USP36: variants seen among roughly 807,000 people sequenced by gnomAD.
The protein encoded by USP36 is ubiquitin specific peptidase 36.
In USP36, 59 loss-of-function variants were observed where a neutral mutation model predicts 111.5. The ratio of observed to expected loss-of-function variants is 0.53; its 90% CI spans 0.43 to 0.66. The LOEUF is 0.66. Ranked by LOEUF, USP36 falls within the 30% of genes least tolerant of loss-of-function variation. USP36 has a pLI of 0.00. For missense variants in USP36, 1,488 were observed against 1,468.0 expected, an observed-to-expected ratio of 1.01 and a Z score of -0.22; for synonymous variants, 628 against 581.0, an observed-to-expected ratio of 1.08 and a Z score of -1.16.
At chr17:78,794,109 C>G (rs1236882735), downstream of USP36, among the ~76,000 whole-genome samples, 1 of 152,202 alleles carries the variant, frequency 6.6e-6, no homozygotes, top group Non-Finnish European at 1.5e-5. Context: ...GAGTCCATCT[C>G]CTAAATATCC....
chr17:78,817,070 T>A (rs2094206341), intron 10 of USP36, among the ~76,000 whole-genome samples: 1 of 152,216 alleles, frequency 6.6e-6, no homozygotes, highest in Non-Finnish European at 1.5e-5. Flanking sequence ...AATACTGCAT[T>A]TTCACTGTAC....
chr17:78,799,563 C>A, intron 18 of USP36, 104 bp downstream of exon 18: 1 of 1,034,338 alleles, frequency 9.7e-7, no homozygotes, highest in Non-Finnish European at 1.5e-6. Flanking sequence ...CCGAGCGATG[C>A]CCGCCCGCCA....
At chr17:78,830,716 G>A (rs1430167984) in intron 4 of USP36, among the ~76,000 whole-genome samples, 1 of 151,990 alleles carries the variant, frequency 6.6e-6, no homozygotes, top group Admixed American at 6.6e-5. Context: ...CATGCAGCCT[G>A]CTTAGCAAAT....
intron 10 of USP36, among the ~76,000 whole-genome samples, chr17:78,814,928 C>A (rs1010959214): frequency 6.6e-6 from 1 of 151,670 alleles, no homozygotes; most frequent in East Asian, 1.9e-4. Flanking sequence ...TCAGCCTGGG[C>A]GACAGAGCGA....
rs2093934519 is a variant in USP36, at chr17:78,807,353, G to C, written c.1691C>G (p.Ser564Cys). 3 of 1,614,108 alleles carry C rather than the reference G, an allele frequency of 1.9e-6. No individual in the cohort carries two copies. The highest frequency in any genetic ancestry group is 1.7e-5 in the Admixed American group (1 of 60,012). ...CCAGGAGCCCTGCCTTTGGCTCCCA[G>C]ATCTGCTGCTATTCGAGTTGCTGGT... ...PGTSNSNSSR[S>C]GSQRQGSWDS... The change falls in exon 14 of 21, where the codon TCT becomes TGT. Residue 564 changes from serine (S) to cysteine (C), a missense_variant. By Grantham distance (112) the Ser-to-Cys change is moderately radical. This residue lies in a region of USP36 where 1,073 missense variants were observed against 994.1 expected (regional missense o/e 1.08). Transcript: ENST00000449938.
rs1464439667 is a variant in USP36 at position 78,796,058 on chromosome 17, C to T, written c.*1842G>A. The T allele has an allele frequency of 3.3e-5, 5 of 152,246 alleles. No homozygotes were observed. The highest frequency in any genetic ancestry group is 3.9e-4 in the East Asian group (2 of 5,182). The allele number at this position is 152,246 out of a possible 1,614,324, so 9.4% of individuals were successfully genotyped here. ...CGTGACTCCACCCAACAGTGATAAA[C>T]GCTGCAGAAAGTCATCTCGTGCTCA... On this transcript the variant is annotated 3_prime_UTR_variant, in exon 21 of 21. Transcript: ENST00000449938.
chr17:78,833,859 G>C (rs914320531), intron 4 of USP36, among the ~76,000 whole-genome samples: 1 of 152,098 alleles, frequency 6.6e-6, no homozygotes, highest in Admixed American at 6.5e-5. Context: ...TGTTATCCGA[G>C]TTATAGGAAC....
intron 11 of USP36, 98 bp downstream of exon 11, chr17:78,814,314 C>T (rs2094133086): frequency 1.3e-6 from 2 of 1,499,932 alleles, no homozygotes; most frequent in South Asian, 1.3e-5. Context: ...AAACATCACA[C>T]TTTTCACAAA....
intron 10 of USP36, among the ~76,000 whole-genome samples, chr17:78,816,890 G>A (rs968914302): frequency 7.9e-5 from 12 of 152,176 alleles, no homozygotes; most frequent in Non-Finnish European, 2.9e-5. Context: ...ACATCAACTA[G>A]AAAATTCCCA....
At chr17:78,825,243 A>C (rs1473050890) in intron 6 of USP36, among the ~76,000 whole-genome samples, 2 of 152,198 alleles carry the variant, frequency 1.3e-5, no homozygotes, top group African/African-American at 4.8e-5. Flanking sequence ...ATAATCACGG[A>C]GAAAACATCA....
Position 78,814,475 on chromosome 17 carries a change from G to C in USP36, c.1101C>G (p.Leu367=). 3.1e-6 allele frequency: 5 copies of C among 1,614,198 alleles called. No homozygotes were observed. In the South Asian group the frequency reaches 5.5e-5, roughly 18 times the overall value. The change falls in exon 11 of 21, where the codon CTC becomes CTG. Residue 367 remains leucine, a synonymous_variant. Coordinates refer to ENST00000449938, the MANE Select transcript of USP36 (RefSeq NM_001385174.1). ...QNNGDPVMYG[L]YAVLVHSGYS... is the part of the protein sequence containing the mutation. ...AGCCCGAGTGCACCAGGACAGCATAGAGTCCATACATGACAGGATCACCAT... is the reference window on the plus strand; with the variant it reads ...AGCCCGAGTGCACCAGGACAGCATACAGTCCATACATGACAGGATCACCAT...
intron 13 of USP36, among the ~76,000 whole-genome samples, chr17:78,810,405 A>G (rs1433767170): frequency 1.3e-5 from 2 of 152,072 alleles, no homozygotes; most frequent in African/African-American, 4.8e-5. Context: ...CTCCCACCTC[A>G]GCCTCCTGAG....
chr17:78,834,820 G>A (rs1012583483), intron 4 of USP36, among the ~76,000 whole-genome samples: 5 of 151,850 alleles, frequency 3.3e-5, no homozygotes, highest in African/African-American at 9.7e-5. Context: ...AACAACAGAT[G>A]CATAAAACAA....
At chr17:78,838,969 G>A (rs1178589247) in intron 1 of USP36, among the ~76,000 whole-genome samples, 2 of 152,038 alleles carry the variant, frequency 1.3e-5, no homozygotes, top group African/African-American at 4.8e-5. Context: ...CTTGACCCCA[G>A]ACAAGCCCAG....
intron 8 of USP36, 83 bp from the exon 9 acceptor site, chr17:78,820,095 TAGGCTGAGGC>T: frequency 6.9e-7 from 1 of 1,444,976 alleles, no homozygotes; most frequent in Non-Finnish European, 9.6e-7. Flanking sequence ...AGGTCTTTTT[TAGGCTGAGGC>T]AGCAAATCAC....
Position 78,827,241 on chromosome 17 carries a change from G to C in USP36, c.689+4C>G. The C allele has an allele frequency of 1.2e-6, 2 of 1,611,858 alleles. No homozygotes were observed. Among genetic ancestry groups the C allele is most frequent in the Non-Finnish European group, 1.7e-6 (2 of 1,179,626 alleles). ...CCTGGGAGGGTGGGTGGGGAAGCAC[G>C]CACTTGGCACAGCCATTCAGGCAGG... is the stretch of plus-strand genomic sequence containing the variant. On this transcript the variant is annotated splice_donor_region_variant and intron_variant, in intron 6 of 20. Coordinates refer to ENST00000449938, the MANE Select transcript of USP36 (RefSeq NM_001385174.1).
At chr17:78,838,405 T>C (rs1158111149) in intron 2 of USP36, among the ~76,000 whole-genome samples, 182 bp downstream of exon 2, 2 of 148,674 alleles carry the variant, frequency 1.3e-5, no homozygotes, top group East Asian at 1.9e-4. Flanking sequence ...AAAAAACTTC[T>C]GTAAAGAAAT....
intron 7 of USP36, 22 bp from the exon 8 acceptor site, chr17:78,821,083 G>A (rs2094307473): frequency 1.3e-6 from 2 of 1,582,872 alleles, no homozygotes; most frequent in Middle Eastern, 3.3e-4. Flanking sequence ...CAGAGGCAGT[G>A]GAGCAGGTGG....
chr17:78,821,401 T>A (rs1315423354), intron 7 of USP36: 1 of 54,784 alleles, frequency 1.8e-5, no homozygotes, highest in African/African-American at 9.4e-5. Flanking sequence ...TATATATATA[T>A]ATATATATAT....
Sources: allele counts gnomAD v4.1 joint callset (sites outside exome capture counted in the v4.1 genomes callset), GRCh38; gene constraint gnomAD v4.1.1; regional missense constraint gnomAD v4.1.1; transcripts MANE v1.5; gene names NCBI Gene and HGNC (gene_info 2026-07-23, HGNC 2026-07-21).